The following RHOU variants were observed in gnomAD, a reference collection of about 807,000 sequenced individuals.
RHOU encodes ras homolog family member U.
In RHOU, 8 loss-of-function variants were observed where a neutral mutation model predicts 12.6. That is an observed-to-expected ratio of 0.64 (90% CI 0.37 to 1.15). The LOEUF (loss-of-function observed/expected upper bound fraction) is 1.15. Ranked by LOEUF, RHOU falls within the 50% of genes most tolerant of loss-of-function variation. RHOU has a pLI of 0.01. For synonymous variants in RHOU, 161 were observed against 147.4 expected (o/e 1.09, Z -0.67); for missense variants, 258 against 347.0 (o/e 0.74, Z 2.04).
the RHOU span, chr1:228,650,538 G>A: frequency 0.015 from 6,741 of 456,822 alleles, 128 homozygotes; most frequent in South Asian, 0.041. Flanking sequence ...AGCTGTGCGA[G>A]GAGAGTGCCC....
At chr1:228,685,033 C>T in the RHOU span, among the ~76,000 whole-genome samples, 1 of 152,180 alleles carries the variant, frequency 6.6e-6, no homozygotes, top group Non-Finnish European at 1.5e-5. Flanking sequence ...ATATTCTAAA[C>T]AACGGGTGCA....
At chr1:228,724,615 C>T in the RHOU span, among the ~76,000 whole-genome samples, 3 of 152,174 alleles carry the variant, frequency 2.0e-5, no homozygotes, top group East Asian at 1.9e-4. Flanking sequence ...CCAGGCCCAG[C>T]GAGGTGAGAA....
the RHOU span, among the ~76,000 whole-genome samples, chr1:228,700,916 A>G: frequency 6.6e-6 from 1 of 151,876 alleles, no homozygotes; most frequent in Non-Finnish European, 1.5e-5. Context: ...GCAGGACCCC[A>G]TCTTTACAAA....
chr1:228,659,966 C>A, the RHOU span, among the ~76,000 whole-genome samples: 7,181 of 74,918 alleles, frequency 0.096, 220 homozygotes, highest in African/African-American at 0.15. Flanking sequence ...AAAAAAAAAA[C>A]AAAAAAAAAA....
chr1:228,663,872 A>C, the RHOU span, among the ~76,000 whole-genome samples: 1 of 150,402 alleles, frequency 6.6e-6, no homozygotes, highest in East Asian at 2.0e-4. Flanking sequence ...ACCTCAAGTG[A>C]TCCACCCGCC....
chr1:228,731,471 A>C (rs1315861650), upstream of RHOU, among the ~76,000 whole-genome samples: 1 of 152,202 alleles, frequency 6.6e-6, no homozygotes, highest in Non-Finnish European at 1.5e-5. Context: ...GGGTAAAGCA[A>C]GAGAGGGAGG....
chr1:228,652,580 C>T, the RHOU span: 2 of 152,136 alleles, frequency 1.3e-5, no homozygotes, highest in Non-Finnish European at 2.9e-5. Context: ...ATAAAATCAG[C>T]AGACCACATA....
In RHOU at chr1:228,743,848, GTATATGTAT is replaced by G; in HGVS notation, c.*113_*121del. 1.1e-6 allele frequency: 1 copy of G among 922,450 alleles called. No homozygotes were observed. The allele number at this position is 922,450 out of a possible 1,614,324, so 57.1% of individuals were successfully genotyped here. A position where few individuals can be genotyped will look rare whatever the true frequency, so the allele number is the denominator to read the frequency against. ...CGTAGAACCTATATCGAGAGTGTGTGTATATGTATTATAGGAGGAGCTCTCAATTTTATG... is the reference window on the plus strand; with the variant it reads ...CGTAGAACCTATATCGAGAGTGTGTGTATAGGAGGAGCTCTCAATTTTATG... On this transcript the variant is annotated 3_prime_UTR_variant, in exon 3 of 3. Coordinates refer to ENST00000366691, the MANE Select transcript of RHOU (RefSeq NM_021205.6). The surrounding 1 kb of genome is among the most constrained non-coding windows in gnomAD (Gnocchi z 5.1).
Position 228,735,798 on chromosome 1 carries a change from T to A in RHOU, c.56T>A (p.Val19Glu), listed in dbSNP as rs1662590935. 2 of 1,217,722 alleles carry A rather than the reference T, an allele frequency of 1.6e-6. No homozygotes were observed. Among genetic ancestry groups the A allele is most frequent in the Non-Finnish European group, 2.0e-6 (2 of 980,254 alleles). 75.4% of individuals were successfully genotyped at this position (1,217,722 alleles called of 1,614,324 possible). ...AFPDRCEAPPVPPRRERGGRG... is the reference protein window; with the variant it reads ...AFPDRCEAPPEPPRRERGGRG... Reference sequence around the variant, plus strand: ...CCCGACCGCTGCGAGGCGCCTCCGGTGCCGCCGCGTCGGGAGCGCGGTGGA... The same window carrying A: ...CCCGACCGCTGCGAGGCGCCTCCGGAGCCGCCGCGTCGGGAGCGCGGTGGA... Residue 19 changes from valine (V) to glutamate (E), a missense_variant, in exon 1 of 3, where the codon GTG becomes GAG. Transcript: ENST00000366691. This position sits in a 1 kb window ranked among gnomAD's most constrained non-coding sequence, Gnocchi z 8.1.
the RHOU span, among the ~76,000 whole-genome samples, chr1:228,658,069 C>T: frequency 6.6e-6 from 1 of 151,928 alleles, no homozygotes; most frequent in Non-Finnish European, 1.5e-5. Flanking sequence ...TGTTTGAGCC[C>T]AGGAGTTTAA....
chr1:228,681,853 G>A, the RHOU span, among the ~76,000 whole-genome samples: 11 of 152,240 alleles, frequency 7.2e-5, no homozygotes, highest in South Asian at 4.1e-4. Context: ...GTAGAGACAC[G>A]GAGAAGCGGG....
chr1:228,707,620 G>A, the RHOU span, among the ~76,000 whole-genome samples: 1 of 151,898 alleles, frequency 6.6e-6, no homozygotes, highest in Admixed American at 6.6e-5. Context: ...AAGAAAACTA[G>A]CAAACAGAAA....
At chr1:228,699,681 G>A in the RHOU span, among the ~76,000 whole-genome samples, 1 of 152,046 alleles carries the variant, frequency 6.6e-6, no homozygotes, top group Non-Finnish European at 1.5e-5. Context: ...AATTGTATCT[G>A]TAGTGACTTA....
At chr1:228,672,765 C>T in the RHOU span, among the ~76,000 whole-genome samples, 4 of 152,160 alleles carry the variant, frequency 2.6e-5, no homozygotes, top group South Asian at 2.1e-4. Context: ...TCCAAACTTG[C>T]GTTGCCATAG....
chr1:228,670,725 G>C, the RHOU span, among the ~76,000 whole-genome samples: 1 of 152,276 alleles, frequency 6.6e-6, no homozygotes, highest in Non-Finnish European at 1.5e-5. Flanking sequence ...TGGAGCAGAG[G>C]CCTGGTGGGA....
At chr1:228,651,991 G>T in the RHOU span, among the ~76,000 whole-genome samples, 27,679 of 152,146 alleles carry the variant, frequency 0.18, 2,723 homozygotes, top group East Asian at 0.34. Flanking sequence ...GCCTTTCTGG[G>T]TTTCTCTTTT....
the RHOU span, among the ~76,000 whole-genome samples, chr1:228,657,683 A>C: frequency 6.6e-6 from 1 of 152,228 alleles, no homozygotes; most frequent in Non-Finnish European, 1.5e-5. Context: ...TAAATCTGGC[A>C]GACATGTATA....
the RHOU span, among the ~76,000 whole-genome samples, chr1:228,686,064 G>T: frequency 6.6e-6 from 1 of 152,132 alleles, no homozygotes; most frequent in Non-Finnish European, 1.5e-5. Flanking sequence ...TCAGACTTTT[G>T]TATTAGTCCA....
the RHOU span, among the ~76,000 whole-genome samples, chr1:228,682,685 A>G: frequency 6.6e-6 from 1 of 152,208 alleles, no homozygotes; most frequent in Non-Finnish European, 1.5e-5. Flanking sequence ...AACAAATCAT[A>G]ATGTTGAGTA....
Sources: allele counts gnomAD v4.1 joint callset (sites outside exome capture counted in the v4.1 genomes callset), GRCh38; gene constraint gnomAD v4.1.1; non-coding constraint Gnocchi (gnomAD v3.1); transcripts MANE v1.5; gene names NCBI Gene and HGNC (gene_info 2026-07-23, HGNC 2026-07-21).